The following LRRC39 variants were observed in gnomAD, a reference collection of about 807,000 sequenced individuals.
LRRC39 encodes leucine rich repeat containing 39.
LRRC39 carries 35 observed loss-of-function variants against 39.7 expected under a neutral mutation model. The ratio of observed to expected loss-of-function variants is 0.88; its 90% CI spans 0.67 to 1.17. The LOEUF (loss-of-function observed/expected upper bound fraction) is 1.17, where lower values mean the gene tolerates loss of function less well. Among genes scored for constraint, LRRC39 ranks in the 50% most tolerant of loss-of-function variants. The pLI is 0.00. For synonymous variants in LRRC39, 113 were observed against 134.1 expected, an observed-to-expected ratio of 0.84 and a Z score of 1.09; for missense variants, 357 against 385.8, an observed-to-expected ratio of 0.93 and a Z score of 0.62.
In LRRC39 at chr1:100,149,069, T is replaced by C. The variant is rs146405325; in HGVS notation, c.981A>G (p.Leu327=). 102 of 1,602,692 alleles carry C rather than the reference T, an allele frequency of 6.4e-5. No homozygotes were observed. In the African/African-American group the frequency reaches 1.2e-3, roughly 20 times the overall value. ...ATCCATCCGTATTTATGGAGATTGGTAAAGTAGTTGAACCGTTGACTTGGT... is the reference window on the plus strand; with the variant it reads ...ATCCATCCGTATTTATGGAGATTGGCAAAGTAGTTGAACCGTTGACTTGGT... ...ADHQVNGSTT[L]PISINTDG Residue 327 remains leucine (L), a synonymous_variant, in exon 10 of 10, where the codon TTA becomes TTG. Coordinates refer to ENST00000370137, the MANE Select transcript of LRRC39 (RefSeq NM_144620.4).
In LRRC39 at chr1:100,158,856, GA is replaced by G. The variant is rs59271444; in HGVS notation, c.376+402del. Reference sequence around the variant, plus strand: ...AGGGACAAGTTTATCCGTGCAATAGGAAAAAAAAAAAAATCGAAAACTATTT... The same window carrying G: ...AGGGACAAGTTTATCCGTGCAATAGGAAAAAAAAAAAATCGAAAACTATTT... On this transcript the variant is annotated intron_variant, in intron 5 of 9. Transcript: ENST00000370137. Among the ~76,000 whole-genome samples, 395 of 140,980 alleles carry G rather than the reference GA, an allele frequency of 2.8e-3. 1 individual carries two copies. The highest frequency in any genetic ancestry group is 0.012 in the East Asian group (58 of 4,902). 92.5% of individuals were successfully genotyped at this position (140,980 alleles called of 152,430 possible). A position where few individuals can be genotyped will look rare whatever the true frequency, so the allele number is the denominator to read the frequency against.
At chr1:100,153,220 G>A (rs796172764) in intron 8 of LRRC39, among the ~76,000 whole-genome samples, 10 of 152,258 alleles carry the variant, frequency 6.6e-5, no homozygotes, top group South Asian at 4.1e-4. Flanking sequence ...TTTTGTTATC[G>A]AAGTTTTGGG....
intron 2 of LRRC39, among the ~76,000 whole-genome samples, chr1:100,169,339 T>C (rs1659446713): frequency 6.6e-6 from 1 of 152,046 alleles, no homozygotes; most frequent in Non-Finnish European, 1.5e-5. Context: ...AAATAGAAAG[T>C]AATGTAGTTG....
At chr1:100,170,318 A>C (rs1001160095) in intron 2 of LRRC39, among the ~76,000 whole-genome samples, 1 of 152,238 alleles carries the variant, frequency 6.6e-6, no homozygotes, top group Non-Finnish European at 1.5e-5. Context: ...ATAAAAATGA[A>C]TGAAGTATAG....
At chr1:100,159,973 A>G (rs1182015143) in intron 4 of LRRC39, among the ~76,000 whole-genome samples, 1 of 152,202 alleles carries the variant, frequency 6.6e-6, no homozygotes, top group Non-Finnish European at 1.5e-5. Flanking sequence ...CTGACATAAA[A>G]CATAAAAACA....
At chr1:100,169,198 G>T (rs1659439448) in intron 2 of LRRC39, among the ~76,000 whole-genome samples, 1 of 151,870 alleles carries the variant, frequency 6.6e-6, no homozygotes, top group Non-Finnish European at 1.5e-5. Context: ...ACTGATTTTT[G>T]ATCAAATTAG....
chr1:100,160,640 T>TTGA, intron 3 of LRRC39, 69 bp from the exon 4 acceptor site: 1 of 1,194,872 alleles, frequency 8.4e-7, no homozygotes, highest in Non-Finnish European at 1.2e-6. Context: ...TTTTTTTTTT[T>TTGA]GAGAGAGAGA....
intron 3 of LRRC39, among the ~76,000 whole-genome samples, chr1:100,162,665 C>G (rs1375858191): frequency 6.6e-6 from 1 of 151,520 alleles, no homozygotes; most frequent in Non-Finnish European, 1.5e-5. Context: ...AGAAAAGAAA[C>G]TGGAAAACCT....
chr1:100,175,627 A>AAT (rs1659905680), intron 1 of LRRC39, among the ~76,000 whole-genome samples: 1 of 152,234 alleles, frequency 6.6e-6, no homozygotes, highest in Admixed American at 6.5e-5. Flanking sequence ...AGATATTGGC[A>AAT]ATATATATAA....
At chr1:100,169,781 G>A (rs1659476365) in intron 2 of LRRC39, among the ~76,000 whole-genome samples, 1 of 152,060 alleles carries the variant, frequency 6.6e-6, no homozygotes, top group South Asian at 2.1e-4. Flanking sequence ...TGGTGTTCCA[G>A]TGGAATTATT....
intron 9 of LRRC39, chr1:100,150,262 T>C (rs1657849431): frequency 6.6e-6 from 1 of 152,240 alleles, no homozygotes; most frequent in South Asian, 2.1e-4. Flanking sequence ...TAGGCTTTGA[T>C]TTTATTATCT....
intron 3 of LRRC39, among the ~76,000 whole-genome samples, chr1:100,166,059 G>T (rs4908041): frequency 4.0e-5 from 6 of 151,684 alleles, no homozygotes; most frequent in African/African-American, 7.3e-5. Flanking sequence ...CCTTTCATTT[G>T]GTTCTCATTC....
chr1:100,175,264 A>G (rs979593290), intron 1 of LRRC39, among the ~76,000 whole-genome samples: 1 of 151,462 alleles, frequency 6.6e-6, no homozygotes, highest in Non-Finnish European at 1.5e-5. Context: ...TGGCACAATC[A>G]TGGCTTATAG....
intron 5 of LRRC39, among the ~76,000 whole-genome samples, chr1:100,158,994 A>T (rs928539913): frequency 1.3e-5 from 2 of 152,152 alleles, no homozygotes; most frequent in East Asian, 3.8e-4. Flanking sequence ...TCCTAAGAGG[A>T]ATAGCTGAGC....
intron 3 of LRRC39, among the ~76,000 whole-genome samples, chr1:100,167,391 C>G (rs1659322622): frequency 6.6e-6 from 1 of 152,154 alleles, no homozygotes; most frequent in African/African-American, 2.4e-5. Context: ...AGAACAGCCT[C>G]ACTTCCCTAT....
intron 2 of LRRC39, among the ~76,000 whole-genome samples, chr1:100,170,032 A>G (rs1226546113): frequency 3.3e-5 from 5 of 152,316 alleles, no homozygotes; most frequent in African/African-American, 9.6e-5. Context: ...AAGGTTGTCC[A>G]GTTAAAGAAA....
chr1:100,159,772 TC>T (rs1557925375), intron 4 of LRRC39, among the ~76,000 whole-genome samples: 1 of 151,924 alleles, frequency 6.6e-6, no homozygotes, highest in East Asian at 1.9e-4. Flanking sequence ...AATGAGACAA[TC>T]CAAAAAAATA....
rs767938816 is a variant in LRRC39 at position 100,170,937 on chromosome 1, G to A, written c.-78-2343C>T. On this transcript the variant is annotated intron_variant, in intron 2 of 9. Transcript: ENST00000370137. ...ACTATGCAAACACTAAGCAAAAGAA[G>A]GCTAGTATCAATATATTAATAGCAG... 1.1e-3 allele frequency among the ~76,000 whole-genome samples: 165 copies of A among 152,146 alleles called. 1 individual carries two copies. Among genetic ancestry groups the A allele is most frequent in the Non-Finnish European group, 1.7e-3 (118 of 68,022 alleles).
At chr1:100,175,202 G>GT (rs1339307357) in intron 1 of LRRC39, among the ~76,000 whole-genome samples, 2 of 152,064 alleles carry the variant, frequency 1.3e-5, no homozygotes, top group East Asian at 1.9e-4. Flanking sequence ...TTGTTTGTTT[G>GT]TTTTTTGTTT....
Sources: gnomAD v4.1 joint callset for allele counts (sites outside exome capture counted in the v4.1 genomes callset) on GRCh38, gnomAD v4.1.1 for gene constraint, MANE v1.5 for transcripts, NCBI Gene and HGNC (gene_info 2026-07-23, HGNC 2026-07-21) for gene names.